SHTN1: variants seen among roughly 807,000 people sequenced by gnomAD.
The protein encoded by SHTN1 is shootin-1.
A neutral mutation model predicts 83.1 loss-of-function variants in SHTN1; 42 were observed. That is an observed-to-expected ratio of 0.51 (90% CI 0.39 to 0.65). SHTN1 has a LOEUF of 0.65. Ranked by LOEUF, SHTN1 falls within the 30% of genes least tolerant of loss-of-function variation. The pLI is 0.00. For missense variants in SHTN1, 622 were observed against 737.8 expected (o/e 0.84, Z 1.82); for synonymous variants, 224 against 247.7 (o/e 0.90, Z 0.90).
At chr10:117,052,022 A>ATATATATATATATATATATATAT (rs1237393233) in intron 1 of SHTN1, among the ~76,000 whole-genome samples, 36 of 138,726 alleles carry the variant, frequency 2.6e-4, no homozygotes, top group Non-Finnish European at 3.2e-4. Context: ...ATATATATAT[A>ATATATATATATATATATATATAT]GAAAAGCCTA....
At chr10:117,079,200 C>CAAGG (rs1853217836) in intron 1 of SHTN1, among the ~76,000 whole-genome samples, 1 of 135,572 alleles carries the variant, frequency 7.4e-6, no homozygotes, top group South Asian at 2.5e-4. Context: ...CCCGACCCCA[C>CAAGG]AACAGTCCCC....
intron 9 of SHTN1, among the ~76,000 whole-genome samples, chr10:116,938,467 C>G (rs1056709782): frequency 6.6e-5 from 10 of 152,312 alleles, no homozygotes; most frequent in African/African-American, 2.2e-4. Context: ...CACTGCTGAC[C>G]CTGTTTGCCT....
chr10:117,003,179 G>A (rs2133543436), intron 1 of SHTN1, among the ~76,000 whole-genome samples: 1 of 152,046 alleles, frequency 6.6e-6, no homozygotes, highest in East Asian at 1.9e-4. Context: ...TACCTATAAT[G>A]AAAGCTCCAC....
chr10:116,917,956 G>A (rs983168848), intron 12 of SHTN1, among the ~76,000 whole-genome samples: 5 of 152,166 alleles, frequency 3.3e-5, no homozygotes, highest in African/African-American at 4.8e-5. Context: ...CTCTCTTGCC[G>A]ACCCTGTTTT....
chr10:117,089,039 ATAGGGCTGTACAGCCCCACTAACCCATGG>A (rs1853390749), intron 1 of SHTN1, among the ~76,000 whole-genome samples: 1 of 152,198 alleles, frequency 6.6e-6, no homozygotes, highest in South Asian at 2.1e-4. Flanking sequence ...TGGCACATTA[ATAGGGCTGTACAGCCCCACTAACCCATGG>A]TAGGGCTGTA....
At chr10:117,005,346 G>C (rs947899773), upstream of SHTN1, 5 of 1,285,138 alleles carry the variant, frequency 3.9e-6, no homozygotes, top group Non-Finnish European at 4.9e-6. Context: ...AGGGCGGGTC[G>C]GCAGCCGCTA....
chr10:116,965,493 G>A (rs1170773297), intron 3 of SHTN1, among the ~76,000 whole-genome samples: 2 of 152,150 alleles, frequency 1.3e-5, no homozygotes. Flanking sequence ...CTGCAGTCTG[G>A]GCAACAGAAT....
In SHTN1 at chr10:116,883,796, C is replaced by A. The variant is rs866215333; in HGVS notation, c.*2548G>T. ...CTGGGTGCTAATAGCCCTGTTGATGCCTGCCAGTCAGAACTTCCATGGGAC... is the reference window on the plus strand; with the variant it reads ...CTGGGTGCTAATAGCCCTGTTGATGACTGCCAGTCAGAACTTCCATGGGAC... On this transcript the variant is annotated 3_prime_UTR_variant, in exon 17 of 17. Transcript: ENST00000355371. 1 of 164,076 alleles carries A rather than the reference C, an allele frequency of 6.1e-6. No homozygotes were observed. Among genetic ancestry groups the A allele is most frequent in the African/African-American group, 2.4e-5 (1 of 41,468 alleles). 10.2% of individuals were successfully genotyped at this position (164,076 alleles called of 1,614,324 possible).
At chr10:116,936,777 CTAT>C (rs1849181389) in intron 9 of SHTN1, among the ~76,000 whole-genome samples, 1 of 151,998 alleles carries the variant, frequency 6.6e-6, no homozygotes, top group Admixed American at 6.6e-5. Flanking sequence ...AAGTCTCCCA[CTAT>C]TATTGTGTGG....
chr10:116,992,174 A>G (rs1198584446), intron 1 of SHTN1, among the ~76,000 whole-genome samples: 2 of 152,162 alleles, frequency 1.3e-5, no homozygotes, highest in Non-Finnish European at 2.9e-5. Flanking sequence ...AAACAAAACA[A>G]AAAAACAAAT....
chr10:116,894,145 T>G (rs1847433979), intron 16 of SHTN1, among the ~76,000 whole-genome samples: 1 of 152,214 alleles, frequency 6.6e-6, no homozygotes, highest in South Asian at 2.1e-4. Context: ...ATCTAAAATT[T>G]ATCTTTTGTC....
chr10:117,061,825 A>T (rs144210192), intron 1 of SHTN1, among the ~76,000 whole-genome samples: 2 of 152,244 alleles, frequency 1.3e-5, no homozygotes, highest in Non-Finnish European at 2.9e-5. Flanking sequence ...GAAACCTAAC[A>T]ATCAGCACCA....
chr10:116,915,286 G>T, intron 13 of SHTN1, 89 bp downstream of exon 13: 3 of 745,212 alleles, frequency 4.0e-6, no homozygotes, highest in African/African-American at 3.5e-5. Flanking sequence ...CTGACAGTGG[G>T]TCCTGATGCA....
intron 1 of SHTN1, among the ~76,000 whole-genome samples, chr10:117,123,816 C>T (rs1445801430): frequency 3.3e-5 from 5 of 149,696 alleles, no homozygotes; most frequent in African/African-American, 1.2e-4. Flanking sequence ...GGCTGAGACA[C>T]GAGAACTGCT....
chr10:116,964,216 A>C (rs886129773), intron 3 of SHTN1, among the ~76,000 whole-genome samples: 11 of 152,190 alleles, frequency 7.2e-5, no homozygotes, highest in Non-Finnish European at 1.2e-4. Context: ...GTTGAGCCTG[A>C]CTATGTGTCC....
At chr10:116,963,037 T>G (rs1382256875) in intron 3 of SHTN1, among the ~76,000 whole-genome samples, 4 of 3,592 alleles carry the variant, frequency 1.1e-3, no homozygotes, top group Non-Finnish European at 3.4e-3. Flanking sequence ...TAATAAAAGT[T>G]TTTTTTTTTT....
intron 1 of SHTN1, among the ~76,000 whole-genome samples, chr10:117,115,411 T>G (rs1853832066): frequency 6.6e-6 from 1 of 152,196 alleles, no homozygotes; most frequent in Admixed American, 6.5e-5. Context: ...ATGGCACCTG[T>G]CATCAGCGCT....
chr10:116,913,740 A>G lies in SHTN1; in HGVS notation c.1305+1635T>C, dbSNP rs1848286775. On this transcript the variant is annotated intron_variant, in intron 13 of 16. Coordinates refer to ENST00000355371, the MANE Select transcript of SHTN1 (RefSeq NM_001127211.3). ...AGGTGGCACTCAGACCTTGCATTTT[A>G]AAGTATTTTCACACTTTATTCCATT... Among the ~76,000 whole-genome samples the G allele has an allele frequency of 2.6e-5, 4 of 152,336 alleles. No homozygotes were observed. The South Asian group carries it at 8.3e-4, about 32-fold the overall frequency.
chr10:117,104,768 C>T (rs1220416605), intron 1 of SHTN1, among the ~76,000 whole-genome samples: 2 of 152,108 alleles, frequency 1.3e-5, no homozygotes, highest in South Asian at 2.1e-4. Flanking sequence ...AGCGAGACTC[C>T]GTCTCAAAAC....
Sources: allele counts gnomAD v4.1 joint callset (sites outside exome capture counted in the v4.1 genomes callset), GRCh38; gene constraint gnomAD v4.1.1; transcripts MANE v1.5; gene names NCBI Gene and HGNC (gene_info 2026-07-23, HGNC 2026-07-21).